ARHGEF7: variants seen among roughly 807,000 people sequenced by gnomAD.
The protein encoded by ARHGEF7 is Rho guanine nucleotide exchange factor 7.
ARHGEF7 carries 33 observed loss-of-function variants against 109.8 expected under a neutral mutation model. The ratio of observed to expected loss-of-function variants is 0.30; its 90% CI spans 0.23 to 0.40. The LOEUF (loss-of-function observed/expected upper bound fraction) is 0.40. Among genes scored for constraint, ARHGEF7 ranks in the 10% least tolerant of loss-of-function variants. ARHGEF7 has a pLI of 1.00. For missense variants in ARHGEF7, 938 were observed against 1,098.5 expected (o/e 0.85, Z 2.07); for synonymous variants, 458 against 424.6 (o/e 1.08, Z -0.97).
chr13:111,245,457 T>C (rs2088651188), intron 8 of ARHGEF7, among the ~76,000 whole-genome samples: 1 of 152,182 alleles, frequency 6.6e-6, no homozygotes, highest in African/African-American at 2.4e-5. Context: ...GCTCATGAGG[T>C]ACCCACTTAC....
intron 1 of ARHGEF7, among the ~76,000 whole-genome samples, chr13:111,147,913 G>A (rs2075691939): frequency 6.6e-6 from 1 of 151,946 alleles, no homozygotes; most frequent in African/African-American, 2.4e-5. Context: ...TAGCCGGGAT[G>A]GTCTCGATCT....
chr13:111,240,702 G>A (rs1176869901), intron 6 of ARHGEF7, among the ~76,000 whole-genome samples: 1 of 152,222 alleles, frequency 6.6e-6, no homozygotes, highest in South Asian at 2.1e-4. Context: ...GCAGTGGACA[G>A]GGAAGGGCTG....
At chr13:111,257,300 G>T (rs1482165681) in intron 8 of ARHGEF7, among the ~76,000 whole-genome samples, 3 of 152,166 alleles carry the variant, frequency 2.0e-5, no homozygotes, top group Non-Finnish European at 4.4e-5. Flanking sequence ...TGTATGTCTT[G>T]ATTTTATTTT....
In ARHGEF7 at chr13:111,233,264, A is replaced by G. The variant is rs930959040; in HGVS notation, c.730A>G (p.Thr244Ala). 2.5e-6 allele frequency: 4 copies of G among 1,614,020 alleles called. No individual in the cohort carries two copies. In the African/African-American group the frequency reaches 5.3e-5, roughly 22 times the overall value. Residue 244 changes from threonine (T) to alanine (A), a missense_variant, in exon 6 of 22, where the codon ACT becomes GCT. This residue lies in a region of ARHGEF7 where 585 missense variants were observed against 723.6 expected (regional missense o/e 0.81). Coordinates refer to ENST00000646102, the MANE Select transcript of ARHGEF7 (RefSeq NM_001354046.2). ...GAGCCCTCCCAAAGGATTTGATACG[A>G]CTGCCATAAACAAAAGCTATTACAA... Reference protein sequence around the residue: ...LKSPPKGFDTTAINKSYYNVV... With the variant: ...LKSPPKGFDTAAINKSYYNVV...
At chr13:111,284,438 C>T (rs1009310333) in intron 16 of ARHGEF7, among the ~76,000 whole-genome samples, 2 of 152,138 alleles carry the variant, frequency 1.3e-5, no homozygotes, top group African/African-American at 4.8e-5. Context: ...TTTCCATTTT[C>T]TATCATGGGA....
chr13:111,248,292 T>C (rs1458647223), intron 8 of ARHGEF7, among the ~76,000 whole-genome samples: 1 of 152,218 alleles, frequency 6.6e-6, no homozygotes, highest in Non-Finnish European at 1.5e-5. Context: ...ATCAGCACAA[T>C]TTCAGATAGT....
intron 17 of ARHGEF7, among the ~76,000 whole-genome samples, chr13:111,288,061 A>C (rs2093102549): frequency 6.6e-6 from 1 of 151,670 alleles, no homozygotes; most frequent in South Asian, 2.1e-4. Context: ...CCCTTTTTTC[A>C]GTTTGAGAGT....
At chr13:111,136,089 G>A (rs1254977460) in intron 1 of ARHGEF7, among the ~76,000 whole-genome samples, 2 of 152,136 alleles carry the variant, frequency 1.3e-5, no homozygotes, top group Non-Finnish European at 2.9e-5. Flanking sequence ...TTTATATGCT[G>A]GATTACGTTT....
chr13:111,219,101 T>C (rs149321290), intron 5 of ARHGEF7, among the ~76,000 whole-genome samples: 1 of 152,308 alleles, frequency 6.6e-6, no homozygotes, highest in Non-Finnish European at 1.5e-5. Context: ...CACAGTTTTA[T>C]AACCATCACC....
At chr13:111,115,290 G>C (rs1016922138), upstream of ARHGEF7, 3 of 150,804 alleles carry the variant, frequency 2.0e-5, no homozygotes, top group Non-Finnish European at 4.3e-5. Context: ...GCCGAGGCCG[G>C]GGGGCGGCGG....
chr13:111,243,773 G>A (rs772038336), intron 6 of ARHGEF7, 99 bp from the exon 7 acceptor site: 6 of 715,364 alleles, frequency 8.4e-6, no homozygotes, highest in African/African-American at 1.8e-5. Context: ...AAGTAACAGT[G>A]TGAATTGAAC....
In ARHGEF7 at chr13:111,246,466, TG is replaced by T. The variant is rs1428237127; in HGVS notation, c.950+2174del. On this transcript the variant is annotated intron_variant, in intron 8 of 21. Coordinates refer to ENST00000646102, the MANE Select transcript of ARHGEF7 (RefSeq NM_001354046.2). ...AAAATACTTTGTTCCCTTACCTTTT[TG>T]GCTGGGCTTTGAGGTTTTGTCAAGG... is the stretch of plus-strand genomic sequence containing the variant. Among the ~76,000 whole-genome samples the T allele has an allele frequency of 3.3e-5, 5 of 152,282 alleles. No homozygotes were observed. The East Asian group carries it at 7.8e-4, about 24-fold the overall frequency.
Position 111,274,764 on chromosome 13 carries a change from T to C in ARHGEF7, c.1246T>C (p.Ser416Pro). ...TACAGATAGACAAGATATTCAAAAA[T>C]CCATGGCTGCCTTCAAAAACCTTTC... ...YHTDRQDIQK[S>P]MAAFKNLSAQ... The change falls in exon 11 of 22, where the codon TCC becomes CCC. Residue 416 changes from serine to proline, a missense_variant. This residue lies in a region of ARHGEF7 where 585 missense variants were observed against 723.6 expected (regional missense o/e 0.81). Transcript: ENST00000646102. 6.6e-7 allele frequency: 1 copy of C among 1,503,954 alleles called. No homozygotes were observed. Among genetic ancestry groups the C allele is most frequent in the South Asian group, 1.4e-5 (1 of 72,744 alleles). 93.2% of individuals were successfully genotyped at this position (1,503,954 alleles called of 1,614,324 possible). A position where few individuals can be genotyped will look rare whatever the true frequency, so the allele number is the denominator to read the frequency against.
chr13:111,115,417 C>A lies in ARHGEF7; in HGVS notation c.-110C>A. On this transcript the variant is annotated 5_prime_UTR_variant, in exon 1 of 22. Coordinates refer to ENST00000646102, the MANE Select transcript of ARHGEF7 (RefSeq NM_001354046.2). ...GCCGCGCCGAGCCAATCGCCGGCGC[C>A]GGCCGCTCGATGGGCGAGGCGGCGG... 1 of 859,498 alleles carries A rather than the reference C, an allele frequency of 1.2e-6. No individual in the cohort carries two copies. Among genetic ancestry groups the A allele is most frequent in the African/African-American group, 1.9e-5 (1 of 54,038 alleles). 53.2% of individuals were successfully genotyped at this position (859,498 alleles called of 1,614,324 possible).
rs200716408 is a variant in ARHGEF7 at position 111,273,991 on chromosome 13, A to C, written c.1212+39A>C. The C allele has an allele frequency of 1.3e-4, 202 of 1,607,270 alleles. No individual in the cohort carries two copies. Among genetic ancestry groups the C allele is most frequent in the South Asian group, 9.5e-4 (86 of 90,822 alleles). On this transcript the variant is annotated intron_variant, in intron 10 of 21. Coordinates refer to ENST00000646102, the MANE Select transcript of ARHGEF7 (RefSeq NM_001354046.2). This position sits in a 1 kb window ranked among gnomAD's most constrained non-coding sequence, Gnocchi z 4.5. ...ATTCTCTTACTTGGAGTCCTTACCA[A>C]GGGTTAGTGGCATGGTCAGACTTAC... is the stretch of plus-strand genomic sequence containing the variant.
At chr13:111,174,079 C>T (rs921707418) in intron 2 of ARHGEF7, among the ~76,000 whole-genome samples, 7 of 152,126 alleles carry the variant, frequency 4.6e-5, no homozygotes, top group East Asian at 1.9e-4. Flanking sequence ...ATTAATGAAG[C>T]GCCTGAGGTA....
intron 1 of ARHGEF7, among the ~76,000 whole-genome samples, chr13:111,117,719 CTT>C (rs1178284960): frequency 2.0e-5 from 3 of 151,578 alleles, no homozygotes; most frequent in African/African-American, 7.3e-5. Flanking sequence ...CTCTCTCTCT[CTT>C]TCTTTCTCCT....
At chr13:111,162,559 C>T (rs535740065) in intron 2 of ARHGEF7, among the ~76,000 whole-genome samples, 2 of 152,196 alleles carry the variant, frequency 1.3e-5, no homozygotes, top group Admixed American at 6.5e-5. Flanking sequence ...ACTTTACAGT[C>T]GAGAGACTTC....
chr13:111,120,204 G>A (rs77786391), intron 1 of ARHGEF7, among the ~76,000 whole-genome samples: 14,635 of 152,266 alleles, frequency 0.096, 752 homozygotes, highest in Non-Finnish European at 0.11. Flanking sequence ...TAGGGAAGAA[G>A]GTAGCTGGAA....
Sources: allele counts gnomAD v4.1 joint callset (sites outside exome capture counted in the v4.1 genomes callset), GRCh38; gene constraint gnomAD v4.1.1; regional missense constraint gnomAD v4.1.1; non-coding constraint Gnocchi (gnomAD v3.1); transcripts MANE v1.5; gene names NCBI Gene and HGNC (gene_info 2026-07-23, HGNC 2026-07-21).